NOL4: variants seen among roughly 807,000 people sequenced by gnomAD.
The protein encoded by NOL4 is cancer/testis antigen 125.
Under a neutral mutation model 75.9 loss-of-function variants are expected in NOL4, and 17 were observed. That is an observed-to-expected ratio of 0.22 (90% CI 0.15 to 0.34). NOL4 has a LOEUF of 0.34. Ranked by LOEUF, NOL4 falls within the 10% of genes least tolerant of loss-of-function variation. NOL4 has a pLI of 1.00. For missense variants in NOL4, 614 were observed against 793.5 expected (o/e 0.77, Z 2.72); for synonymous variants, 292 against 289.9 (o/e 1.01, Z -0.07).
At chr18:33,968,486 G>A (rs1463677984) in intron 6 of NOL4, among the ~76,000 whole-genome samples, 1 of 152,176 alleles carries the variant, frequency 6.6e-6, no homozygotes, top group Non-Finnish European at 1.5e-5. Flanking sequence ...CATGGATGCA[G>A]CTGTAGGTCA....
chr18:34,102,021 A>C lies in NOL4; in HGVS notation c.639+2026T>G, dbSNP rs181728652. On this transcript the variant is annotated intron_variant, in intron 4 of 10. Transcript: ENST00000261592. ...TGCTGTTCCTGCAGCTACTAGATAT[A>C]TACCTGCCTCAGGAAGTTTTCACTA... Among the ~76,000 whole-genome samples the C allele has an allele frequency of 3.1e-3, 471 of 152,050 alleles. 3 individuals are homozygous for C. The highest frequency in any genetic ancestry group is 4.0e-3 in the Non-Finnish European group (275 of 67,960).
intron 5 of NOL4, among the ~76,000 whole-genome samples, chr18:34,027,852 G>T (rs1344210867): frequency 6.6e-6 from 1 of 152,112 alleles, no homozygotes; most frequent in African/African-American, 2.4e-5. Context: ...TAGCCAAGAA[G>T]TAATGTCAGA....
chr18:34,064,918 A>AACACACACACACACAC (rs66465203), intron 5 of NOL4, among the ~76,000 whole-genome samples: 1 of 95,562 alleles, frequency 1.0e-5, no homozygotes, highest in African/African-American at 3.2e-5. Flanking sequence ...GGTATTTTTT[A>AACACACACACACACAC]ACACACACAC....
intron 2 of NOL4, among the ~76,000 whole-genome samples, chr18:34,123,477 A>G (rs2080240332): frequency 6.7e-6 from 1 of 148,448 alleles, no homozygotes; most frequent in Non-Finnish European, 1.5e-5. Flanking sequence ...ACCAATGTGA[A>G]AAGTAATGTG....
At chr18:34,158,934 G>T (rs1470186802) in intron 1 of NOL4, among the ~76,000 whole-genome samples, 1 of 152,166 alleles carries the variant, frequency 6.6e-6, no homozygotes, top group Non-Finnish European at 1.5e-5. Context: ...GCCAAATAAA[G>T]GCAGGCATGG....
chr18:33,993,375 A>G (rs1381577153), intron 6 of NOL4, among the ~76,000 whole-genome samples: 1 of 152,024 alleles, frequency 6.6e-6, no homozygotes, highest in Admixed American at 6.6e-5. Flanking sequence ...CTGAGAAGCA[A>G]CATCAGACCC....
chr18:33,971,204 T>C (rs1266606849), intron 6 of NOL4, among the ~76,000 whole-genome samples: 2 of 152,232 alleles, frequency 1.3e-5, no homozygotes, highest in Non-Finnish European at 2.9e-5. Context: ...TAATAGCACA[T>C]GTTCATATCA....
chr18:33,872,076 T>C (rs184990845), intron 10 of NOL4, among the ~76,000 whole-genome samples: 50 of 152,208 alleles, frequency 3.3e-4, no homozygotes, highest in Admixed American at 9.2e-4. Flanking sequence ...TATATATCTT[T>C]ATAAATAATT....
intron 6 of NOL4, among the ~76,000 whole-genome samples, chr18:34,015,252 C>A (rs965250552): frequency 1.3e-4 from 20 of 151,964 alleles, no homozygotes; most frequent in African/African-American, 4.3e-4. Flanking sequence ...CAGTCTCCTT[C>A]GCAATTAAAA....
intron 6 of NOL4, among the ~76,000 whole-genome samples, chr18:33,995,011 AG>A (rs1457629299): frequency 6.6e-6 from 1 of 151,644 alleles, no homozygotes; most frequent in East Asian, 1.9e-4. Context: ...CCAATAAATT[AG>A]TACCTTAGAT....
chr18:33,895,908 T>C (rs113364970), intron 9 of NOL4, among the ~76,000 whole-genome samples: 128 of 152,212 alleles, frequency 8.4e-4, no homozygotes, highest in African/African-American at 2.9e-3. Flanking sequence ...GAAAACCTCA[T>C]AGTCTCAGCC....
intron 5 of NOL4, among the ~76,000 whole-genome samples, chr18:34,041,331 A>G (rs1209212952): frequency 6.6e-6 from 1 of 151,950 alleles, no homozygotes; most frequent in Admixed American, 6.6e-5. Context: ...ACTGAGTGAA[A>G]AAAATCACAT....
intron 2 of NOL4, among the ~76,000 whole-genome samples, chr18:34,124,328 C>T (rs1328209881): frequency 6.6e-6 from 1 of 152,148 alleles, no homozygotes; most frequent in East Asian, 1.9e-4. Context: ...GACTCAAACA[C>T]ACAGTATTTT....
intron 10 of NOL4, among the ~76,000 whole-genome samples, chr18:33,863,278 G>C (rs1286586926): frequency 6.6e-6 from 1 of 152,102 alleles, no homozygotes; most frequent in Non-Finnish European, 1.5e-5. Context: ...TTGTGGGGTA[G>C]GGGAAGGGGG....
At chr18:34,011,104 T>C (rs1300393763) in intron 6 of NOL4, among the ~76,000 whole-genome samples, 2 of 151,738 alleles carry the variant, frequency 1.3e-5, no homozygotes, top group Non-Finnish European at 2.9e-5. Context: ...ATGTTACTGA[T>C]ACAAATAAAT....
At chr18:34,182,073 C>CA (rs1048519942) in intron 1 of NOL4, among the ~76,000 whole-genome samples, 6 of 151,022 alleles carry the variant, frequency 4.0e-5, no homozygotes, top group East Asian at 1.9e-4. Flanking sequence ...TCCAAGAAAA[C>CA]AAAAAAATAT....
At chr18:33,954,139 T>C (rs2069464813) in intron 8 of NOL4, among the ~76,000 whole-genome samples, 1 of 152,156 alleles carries the variant, frequency 6.6e-6, no homozygotes, top group Non-Finnish European at 1.5e-5. Context: ...AGGCACACTG[T>C]CTCATATACT....
chr18:34,116,385 G>GA lies in NOL4; in HGVS notation c.415-11226dup, dbSNP rs1322267531. ...CTTGCCAATGTTCTGCTTTTCGGAA[G>GA]AAAAAAATGGTACTTTAAGAAGCCC... On this transcript the variant is annotated intron_variant, in intron 2 of 10. Transcript: ENST00000261592. Among the ~76,000 whole-genome samples the GA allele has an allele frequency of 4.6e-5, 7 of 152,142 alleles. No homozygotes were observed. The East Asian group carries it at 1.2e-3, about 25-fold the overall frequency.
chr18:34,066,215 T>C (rs1269233422), intron 5 of NOL4, among the ~76,000 whole-genome samples: 3 of 152,008 alleles, frequency 2.0e-5, no homozygotes, highest in Admixed American at 6.6e-5. Context: ...ACTTGAAATA[T>C]CATTTTCTTT....
Sources: allele counts gnomAD v4.1 joint callset (sites outside exome capture counted in the v4.1 genomes callset), GRCh38; gene constraint gnomAD v4.1.1; transcripts MANE v1.5; gene names NCBI Gene and HGNC (gene_info 2026-07-23, HGNC 2026-07-21).